WDR76: variants seen among roughly 807,000 people sequenced by gnomAD.
WDR76 encodes the protein WD repeat domain 76, also known as WD repeat-containing protein 76.
WDR76 carries 52 observed loss-of-function variants against 70.2 expected under a neutral mutation model. That is an observed-to-expected ratio of 0.74 (90% CI 0.59 to 0.93). WDR76 has a LOEUF of 0.93. Ranked by LOEUF, WDR76 falls within the 40% of genes least tolerant of loss-of-function variation. The pLI, the probability that WDR76 is intolerant of heterozygous loss-of-function variation, is 0.00. For synonymous variants in WDR76, 292 were observed against 271.1 expected, an observed-to-expected ratio of 1.08 and a Z score of -0.76; for missense variants, 756 against 760.2, an observed-to-expected ratio of 0.99 and a Z score of 0.07.
chr15:43,862,090 C>T (rs1162960252), intron 12 of WDR76, among the ~76,000 whole-genome samples: 1 of 151,904 alleles, frequency 6.6e-6, no homozygotes, highest in Admixed American at 6.6e-5. Flanking sequence ...CCCGCCTCGG[C>T]CTCCCAAAGT....
At position 43,835,298 on chromosome 15, in the gene WDR76, C is replaced by G. The variant is rs1955649169; in HGVS notation, c.552+148C>G. 4 of 430,338 alleles carry G rather than the reference C, an allele frequency of 9.3e-6. No homozygotes were observed. The Admixed American group carries it at 1.9e-4, about 20-fold the overall frequency. The allele number at this position is 430,338 out of a possible 1,614,324, so 26.7% of individuals were successfully genotyped here. On this transcript the variant is annotated intron_variant, in intron 3 of 12. Transcript: ENST00000263795. ...CCTGGGTAACATACGGAGACCCGCC[C>G]CCCGCCCCCCGCCCCCCACCCCAAT... is the stretch of plus-strand genomic sequence containing the variant.
intron 9 of WDR76, among the ~76,000 whole-genome samples, chr15:43,853,917 A>G (rs1485911357): frequency 6.7e-6 from 1 of 148,426 alleles, no homozygotes; most frequent in Admixed American, 6.7e-5. Context: ...AAAAAAAAAC[A>G]AAAAAAAACA....
At position 43,845,820 on chromosome 15, in the gene WDR76, A is replaced by G. The variant is rs558173407; in HGVS notation, c.1032+1766A>G. 3.3e-5 allele frequency among the ~76,000 whole-genome samples: 5 copies of G among 150,604 alleles called. No individual in the cohort carries two copies. In the South Asian group the frequency reaches 1.0e-3, roughly 31 times the overall value. The stretch of plus-strand genomic sequence containing the variant: ...TCTGAATTTATTTTCTTATTGGGGA[A>G]GAAGACCAAAGACATGAAAAATGCC... On this transcript the variant is annotated intron_variant, in intron 8 of 12. Transcript: ENST00000263795.
chr15:43,857,059 A>G lies in WDR76; in HGVS notation c.1305A>G (p.Thr435=), dbSNP rs1038178218. ...ATATGTCACTGGTGGATAGACGGAC[A>G]CCTGGAACTTCTTATGAGAAACTTA... ...DGNMSLVDRR[T]PGTSYEKLTS... The change falls in exon 10 of 13, where the codon ACA becomes ACG. Residue 435 remains threonine, a synonymous_variant. Transcript: ENST00000263795. 1 of 1,614,160 alleles carries G rather than the reference A, an allele frequency of 6.2e-7. No homozygotes were observed. Among genetic ancestry groups the G allele is most frequent in the East Asian group, 2.2e-5 (1 of 44,864 alleles).
rs1438254826 is a variant in WDR76 at position 43,827,157 on chromosome 15, A to T, written c.60+65A>T. On this transcript the variant is annotated intron_variant, in intron 1 of 12. Coordinates refer to ENST00000263795, the MANE Select transcript of WDR76 (RefSeq NM_024908.4). ...TCGGTTTTTGTGAGGGTTATGCGGG[A>T]CACAGGCCCAGGAGGTCGAGGGCAC... 25 of 1,610,126 alleles carry T rather than the reference A, an allele frequency of 1.6e-5. No homozygotes were observed. In the East Asian group the frequency reaches 5.6e-4, roughly 36 times the overall value.
chr15:43,843,028 TTTTTTTG>T (rs1567186032), intron 7 of WDR76, among the ~76,000 whole-genome samples: 1 of 146,842 alleles, frequency 6.8e-6, no homozygotes, highest in African/African-American at 2.5e-5. Context: ...TTTTTTTTTT[TTTTTTTG>T]TTTTTTGAGA....
Position 43,832,046 on chromosome 15 carries a change from C to T in WDR76, c.463-3015C>T, listed in dbSNP as rs114793535. Among the ~76,000 whole-genome samples, 796 of 152,050 alleles carry T rather than the reference C, an allele frequency of 5.2e-3. 8 individuals are homozygous for T. The highest frequency in any genetic ancestry group is 0.018 in the African/African-American group (765 of 41,496). ...ATAGGCGTGAGCCACTGCACCTGGCCCAGAAAAAGTCTTTAGCTTTATATT... is the reference window on the plus strand; with the variant it reads ...ATAGGCGTGAGCCACTGCACCTGGCTCAGAAAAAGTCTTTAGCTTTATATT... On this transcript the variant is annotated intron_variant, in intron 2 of 12. Transcript: ENST00000263795.
chr15:43,866,261 G>A lies in WDR76; in HGVS notation c.1750G>A (p.Val584Met). 6.2e-7 allele frequency: 1 copy of A among 1,614,176 alleles called. No individual in the cohort carries two copies. The highest frequency in any genetic ancestry group is 1.3e-5 in the African/African-American group (1 of 75,026). The stretch of plus-strand genomic sequence containing the variant: ...AATCTTCCATGAGACAGGAAAGAGG[G>A]TGCATTCGTTTGGTGGAGAATACCT... ...VEIFHETGKR[V>M]HSFGGEYLVS... The change falls in exon 13 of 13, where the codon GTG becomes ATG. Residue 584 changes from valine to methionine, a missense_variant. Physicochemically the swap from Val to Met is conservative, Grantham distance 21. Transcript: ENST00000263795.
intron 12 of WDR76, 86 bp downstream of exon 12, chr15:43,861,472 A>G: frequency 2.4e-6 from 3 of 1,272,452 alleles, no homozygotes; most frequent in Admixed American, 3.5e-5. Flanking sequence ...TGATTGTCAA[A>G]GAGATGTAAT....
At chr15:43,850,987 A>G (rs1275175990) in intron 8 of WDR76, 100 bp from the exon 9 acceptor site, 13 of 1,396,134 alleles carry the variant, frequency 9.3e-6, no homozygotes, top group Non-Finnish European at 1.3e-5. Flanking sequence ...AAGACTGAAT[A>G]TAATCCAGTG....
intron 2 of WDR76, among the ~76,000 whole-genome samples, chr15:43,832,549 G>C (rs564569805): frequency 6.6e-6 from 1 of 151,668 alleles, no homozygotes; most frequent in South Asian, 2.1e-4. Flanking sequence ...AGGTTCAAGC[G>C]ATTCTCCTGT....
intron 8 of WDR76, among the ~76,000 whole-genome samples, chr15:43,844,552 G>A (rs1178185732): frequency 1.3e-5 from 2 of 150,576 alleles, no homozygotes; most frequent in African/African-American, 4.9e-5. Context: ...CCCAGGAGAC[G>A]GAGGTTGGAG....
At chr15:43,863,004 C>T (rs867596768) in intron 12 of WDR76, among the ~76,000 whole-genome samples, 8 of 151,762 alleles carry the variant, frequency 5.3e-5, no homozygotes, top group East Asian at 1.9e-4. Flanking sequence ...GGCACGATCT[C>T]GGCTCACTGC....
chr15:43,847,409 C>T (rs1299759311), intron 8 of WDR76, among the ~76,000 whole-genome samples: 1 of 151,430 alleles, frequency 6.6e-6, no homozygotes, highest in South Asian at 2.1e-4. Context: ...TATAGGCGCT[C>T]GCTGCCACAC....
chr15:43,844,465 C>T (rs1182402168), intron 8 of WDR76, among the ~76,000 whole-genome samples: 1 of 151,712 alleles, frequency 6.6e-6, no homozygotes, highest in Non-Finnish European at 1.5e-5. Context: ...TAAAAAAATA[C>T]AAAAATTAGC....
intron 8 of WDR76, among the ~76,000 whole-genome samples, chr15:43,847,022 C>CAAAAAAA (rs57096588): frequency 1.5e-5 from 1 of 66,700 alleles, no homozygotes; most frequent in Non-Finnish European, 3.2e-5. Context: ...AACACCACCT[C>CAAAAAAA]AAAAAAAAAA....
intron 8 of WDR76, among the ~76,000 whole-genome samples, chr15:43,849,536 T>C (rs941290300): frequency 2.0e-5 from 3 of 152,078 alleles, no homozygotes; most frequent in African/African-American, 7.2e-5. Flanking sequence ...TAATTTTAGA[T>C]TTGGAATGAT....
chr15:43,838,266 G>A (rs2087682751), intron 4 of WDR76, among the ~76,000 whole-genome samples: 2 of 152,032 alleles, frequency 1.3e-5, no homozygotes, highest in South Asian at 2.1e-4. Flanking sequence ...GCTCACTGCA[G>A]CCTCTGCCTC....
At position 43,866,364 on chromosome 15, in the gene WDR76, A is replaced by G. The variant is rs752978843; in HGVS notation, c.1853A>G (p.His618Arg). Residue 618 changes from histidine (H) to arginine (R), a missense_variant, in exon 13 of 13, where the codon CAT becomes CGT. Physicochemically the swap from His to Arg is conservative, Grantham distance 29. Transcript: ENST00000263795. ...LAGGNSSGKI[H>R]VFMNEKSC Reference sequence around the variant, plus strand: ...GGAGGTAATTCCAGCGGGAAGATACATGTTTTTATGAATGAAAAAAGCTGC... The same window carrying G: ...GGAGGTAATTCCAGCGGGAAGATACGTGTTTTTATGAATGAAAAAAGCTGC... 1 of 1,614,020 alleles carries G rather than the reference A, an allele frequency of 6.2e-7. No homozygotes were observed.
Sources: gnomAD v4.1 joint callset for allele counts (sites outside exome capture counted in the v4.1 genomes callset) on GRCh38, gnomAD v4.1.1 for gene constraint, MANE v1.5 for transcripts, NCBI Gene and HGNC (gene_info 2026-07-23, HGNC 2026-07-21) for gene names.